GPC3: variants seen among roughly 807,000 people sequenced by gnomAD.
The protein encoded by GPC3 is glypican 3.
In GPC3, 3 loss-of-function variants were observed where a neutral mutation model predicts 34.4. That is an observed-to-expected ratio of 0.09 (90% confidence interval 0.04 to 0.23). The LOEUF is 0.23. GPC3 is among the 10% of genes least tolerant of loss of function. The pLI is 1.00. For synonymous variants in GPC3, 177 were observed against 174.0 expected (o/e 1.02, Z -0.13); for missense variants, 351 against 445.6 (o/e 0.79, Z 1.91).
intron 6 of GPC3, among the ~76,000 whole-genome samples, chrX:133,604,868 C>T (rs1045697242): frequency 8.9e-6 from 1 of 111,813 alleles, no homozygotes; most frequent in Non-Finnish European, 1.9e-5. Context: ...CCTGGCTTTC[C>T]GTATCCACAG....
intron 3 of GPC3, among the ~76,000 whole-genome samples, chrX:133,749,056 G>C (rs1291759590): frequency 9.0e-6 from 1 of 111,247 alleles, no homozygotes; most frequent in African/African-American, 3.3e-5. Context: ...CCAGGAGTTC[G>C]AGACCAGCCT....
At chrX:133,748,552 C>T (rs180779562) in intron 3 of GPC3, among the ~76,000 whole-genome samples, 1 of 110,547 alleles carries the variant, frequency 9.0e-6, no homozygotes, top group East Asian at 2.9e-4. Context: ...CTCTTTCCCC[C>T]TCCCTCCATC....
intron 1 of GPC3, among the ~76,000 whole-genome samples, chrX:133,962,665 T>C (rs1219768439): frequency 1.8e-5 from 2 of 111,996 alleles, no homozygotes; most frequent in Non-Finnish European, 3.8e-5. Context: ...GTAATTTTCC[T>C]GCCTCCCCTA....
intron 2 of GPC3, among the ~76,000 whole-genome samples, chrX:133,900,552 ATCT>A (rs2076139807): frequency 2.7e-5 from 3 of 111,356 alleles, no homozygotes; most frequent in Admixed American, 9.5e-5. Context: ...ACAAGGGTTC[ATCT>A]TCTTTAACTT....
chrX:133,919,209 G>T (rs780229505), intron 2 of GPC3, among the ~76,000 whole-genome samples: 1 of 111,726 alleles, frequency 9.0e-6, no homozygotes, highest in South Asian at 3.9e-4. Flanking sequence ...GAGGAGTACA[G>T]TGCTAGGCAA....
chrX:133,539,417 T>G (rs760083927), intron 7 of GPC3, among the ~76,000 whole-genome samples: 27 of 112,469 alleles, frequency 2.4e-4, no homozygotes, highest in Middle Eastern at 4.6e-3. Flanking sequence ...CAAAGAGAAC[T>G]TCCAAACAGC....
At chrX:133,918,276 T>C (rs749717505) in intron 2 of GPC3, among the ~76,000 whole-genome samples, 72 of 112,274 alleles carry the variant, frequency 6.4e-4, no homozygotes, top group African/African-American at 2.1e-3. Flanking sequence ...TAATGAAATG[T>C]AAGATTATAA....
chrX:133,959,207 A>G (rs193096886), intron 1 of GPC3, among the ~76,000 whole-genome samples: 1 of 111,359 alleles, frequency 9.0e-6, no homozygotes, highest in African/African-American at 3.3e-5. Flanking sequence ...CTTTGGGCCC[A>G]CTTCTCGCTC....
intron 6 of GPC3, 24 bp downstream of exon 6, chrX:133,661,706 T>G (rs1352947417): frequency 1.0e-6 from 1 of 952,420 alleles, no homozygotes; most frequent in East Asian, 3.9e-5. Flanking sequence ...TTTTTATTAT[T>G]ATTATTTTTT....
intron 6 of GPC3, among the ~76,000 whole-genome samples, 181 bp downstream of exon 6, chrX:133,661,549 A>T (rs1603215216): frequency 1.2e-5 from 1 of 86,766 alleles, no homozygotes; most frequent in East Asian, 4.0e-4. Flanking sequence ...TGAACAGTGG[A>T]AGCTGGCTAT....
intron 1 of GPC3, among the ~76,000 whole-genome samples, chrX:133,953,738 T>C (rs1159638862): frequency 4.5e-5 from 5 of 111,950 alleles, no homozygotes; most frequent in Non-Finnish European, 7.5e-5. Flanking sequence ...TAACTAAAGG[T>C]CTGAAGCAAG....
chrX:133,713,396 A>T (rs2205705), intron 3 of GPC3, among the ~76,000 whole-genome samples: 37,855 of 111,198 alleles, frequency 0.34, 8,668 homozygotes, highest in African/African-American at 0.83. Flanking sequence ...CACACATTTT[A>T]AAAAAAGCTA....
chrX:133,914,435 C>A (rs2076214033), intron 2 of GPC3, among the ~76,000 whole-genome samples: 1 of 111,175 alleles, frequency 9.0e-6, no homozygotes, highest in Non-Finnish European at 1.9e-5. Flanking sequence ...ATACCTATAC[C>A]CTGGCTCTCA....
At chrX:133,783,535 CTT>C (rs1164438959) in intron 2 of GPC3, among the ~76,000 whole-genome samples, 1 of 112,251 alleles carries the variant, frequency 8.9e-6, no homozygotes, top group East Asian at 2.8e-4. Context: ...CAGGAAGACA[CTT>C]TTTGCTTTCC....
At chrX:133,540,700 A>C (rs1204524015) in intron 7 of GPC3, among the ~76,000 whole-genome samples, 2 of 111,591 alleles carry the variant, frequency 1.8e-5, no homozygotes, top group African/African-American at 6.5e-5. Context: ...AAACTATTGA[A>C]ATAAAAATAA....
chrX:133,595,278 AC>A (rs2069899836), intron 7 of GPC3, among the ~76,000 whole-genome samples: 1 of 111,159 alleles, frequency 9.0e-6, no homozygotes, highest in Non-Finnish European at 1.9e-5. Context: ...AAGGCTGTGC[AC>A]CACAGAGGAA....
intron 2 of GPC3, among the ~76,000 whole-genome samples, chrX:133,907,448 A>G (rs1222886395): frequency 2.7e-5 from 3 of 110,094 alleles, no homozygotes; most frequent in African/African-American, 6.6e-5. Context: ...AGAAAATAGG[A>G]AAAAAAAAGC....
rs781353191 is a variant in GPC3 at position 133,838,924 on chromosome X, A to C, written c.338-84748T>G. 2.7e-5 allele frequency among the ~76,000 whole-genome samples: 3 copies of C among 111,785 alleles called. No homozygotes were observed. The East Asian group carries it at 8.5e-4, about 31-fold the overall frequency. ...ATTATCGACCCAGTGTTAAGGGAGCAGACTTCAACAGGCAGCTGATCCAAT... is the reference window on the plus strand; with the variant it reads ...ATTATCGACCCAGTGTTAAGGGAGCCGACTTCAACAGGCAGCTGATCCAAT... On this transcript the variant is annotated intron_variant, in intron 2 of 7. Coordinates refer to ENST00000370818, the MANE Select transcript of GPC3 (RefSeq NM_004484.4).
chrX:133,864,185 G>A (rs1276938202), intron 2 of GPC3, among the ~76,000 whole-genome samples: 1 of 110,972 alleles, frequency 9.0e-6, no homozygotes, highest in Non-Finnish European at 1.9e-5. Context: ...GAACAGTTGA[G>A]ATAATATTTT....
Sources: gnomAD v4.1 joint callset for allele counts (sites outside exome capture counted in the v4.1 genomes callset) on GRCh38, gnomAD v4.1.1 for gene constraint, MANE v1.5 for transcripts, NCBI Gene and HGNC (gene_info 2026-07-23, HGNC 2026-07-21) for gene names.